The following CTNNA3 variants were observed in gnomAD, a reference collection of about 807,000 sequenced individuals.
CTNNA3 encodes the protein catenin alpha-3.
In CTNNA3, 76 loss-of-function variants were observed where a neutral mutation model predicts 95.7. The observed-to-expected ratio is 0.79, with a 90% confidence interval of 0.66 to 0.96. The LOEUF is 0.96. Ranked by LOEUF, CTNNA3 falls within the 40% of genes least tolerant of loss-of-function variation. CTNNA3 has a pLI of 0.00. For missense variants in CTNNA3, 1,191 were observed against 1,089.8 expected, an observed-to-expected ratio of 1.09 and a Z score of -1.31; for synonymous variants, 431 against 374.4, an observed-to-expected ratio of 1.15 and a Z score of -1.74.
intron 5 of CTNNA3, among the ~76,000 whole-genome samples, chr10:67,460,565 G>A (rs1007342352): frequency 4.6e-5 from 7 of 152,046 alleles, no homozygotes; most frequent in South Asian, 4.1e-4. Flanking sequence ...ATTTCAAAAC[G>A]AAACAGCATA....
intron 9 of CTNNA3, among the ~76,000 whole-genome samples, chr10:66,626,142 A>C (rs1844927623): frequency 1.3e-5 from 2 of 152,134 alleles, no homozygotes; most frequent in African/African-American, 4.8e-5. Context: ...TTTATCTGAA[A>C]TCTCAGGGGC....
intron 15 of CTNNA3, among the ~76,000 whole-genome samples, chr10:66,030,839 A>G (rs996835801): frequency 2.0e-5 from 3 of 152,186 alleles, no homozygotes; most frequent in Non-Finnish European, 4.4e-5. Flanking sequence ...AAGGAACTTG[A>G]ACAATTGAAC....
At chr10:66,700,565 C>T (rs1229705153) in intron 9 of CTNNA3, among the ~76,000 whole-genome samples, 3 of 152,148 alleles carry the variant, frequency 2.0e-5, no homozygotes, top group African/African-American at 7.2e-5. Flanking sequence ...TAGGGAATGT[C>T]ATACCTCCAA....
In CTNNA3 at chr10:66,799,973, A is replaced by G. The variant is rs180866898; in HGVS notation, c.1048-24449T>C. Among the ~76,000 whole-genome samples, 81 of 151,508 alleles carry G rather than the reference A, an allele frequency of 5.3e-4. No individual in the cohort carries two copies. The East Asian group carries it at 0.015, about 29-fold the overall frequency. ...CCAACCAAGAATTCAATGGCCAGAG[A>G]AAATACCTTTCAAAAATAAGAGAAA... On this transcript the variant is annotated intron_variant, in intron 7 of 17. Coordinates refer to ENST00000433211, the MANE Select transcript of CTNNA3 (RefSeq NM_013266.4).
intron 13 of CTNNA3, among the ~76,000 whole-genome samples, chr10:66,243,937 A>G (rs186641039): frequency 6.6e-6 from 1 of 152,206 alleles, no homozygotes; most frequent in Admixed American, 6.5e-5. Flanking sequence ...TAAAGCACCA[A>G]GTGTGCTCTC....
intron 5 of CTNNA3, among the ~76,000 whole-genome samples, chr10:67,456,708 T>C (rs552316352): frequency 1.2e-4 from 19 of 152,140 alleles, no homozygotes; most frequent in Non-Finnish European, 2.6e-4. Context: ...CAACTTATAA[T>C]CAAATTGTGT....
At chr10:66,933,632 T>G (rs902157662) in intron 7 of CTNNA3, among the ~76,000 whole-genome samples, 7 of 152,266 alleles carry the variant, frequency 4.6e-5, no homozygotes, top group African/African-American at 1.7e-4. Context: ...CCCTGGCCAC[T>G]CCAGTGGAAG....
At chr10:67,450,469 T>C (rs1846935611) in intron 5 of CTNNA3, among the ~76,000 whole-genome samples, 1 of 152,190 alleles carries the variant, frequency 6.6e-6, no homozygotes, top group African/African-American at 2.4e-5. Flanking sequence ...AATGAGATCA[T>C]GTCTTTTGAA....
chr10:67,698,848 C>CAAA (rs60228246), upstream of CTNNA3, among the ~76,000 whole-genome samples: 3 of 143,718 alleles, frequency 2.1e-5, no homozygotes, highest in Non-Finnish European at 4.6e-5. Context: ...ACTATTAATA[C>CAAA]AAAAAAAAAA....
chr10:67,048,758 C>A (rs953024703), intron 7 of CTNNA3, among the ~76,000 whole-genome samples: 1 of 151,910 alleles, frequency 6.6e-6, no homozygotes, highest in South Asian at 2.1e-4. Context: ...ACAGAAAATG[C>A]CAAAATGACA....
intron 3 of CTNNA3, among the ~76,000 whole-genome samples, chr10:67,568,931 A>G (rs1326773855): frequency 6.6e-6 from 1 of 152,152 alleles, no homozygotes; most frequent in Non-Finnish European, 1.5e-5. Flanking sequence ...ATGTCCTTAG[A>G]TAAGCATTAA....
At chr10:67,252,284 G>A (rs1309947546) in intron 5 of CTNNA3, among the ~76,000 whole-genome samples, 2 of 150,828 alleles carry the variant, frequency 1.3e-5, no homozygotes, top group African/African-American at 2.4e-5. Context: ...AGAATTAGAA[G>A]CTCATCTACT....
At chr10:67,021,249 C>A (rs1852992004) in intron 7 of CTNNA3, among the ~76,000 whole-genome samples, 1 of 152,030 alleles carries the variant, frequency 6.6e-6, no homozygotes, top group Non-Finnish European at 1.5e-5. Context: ...AATTATTAAG[C>A]AAAGATATAT....
intron 9 of CTNNA3, among the ~76,000 whole-genome samples, chr10:66,693,030 G>A (rs377250197): frequency 7.9e-5 from 12 of 152,094 alleles, no homozygotes; most frequent in South Asian, 4.1e-4. Flanking sequence ...AAACACCATC[G>A]AGGCTAGGAA....
intron 7 of CTNNA3, among the ~76,000 whole-genome samples, chr10:67,130,853 A>G (rs911949314): frequency 6.6e-6 from 1 of 152,104 alleles, no homozygotes; most frequent in Non-Finnish European, 1.5e-5. Flanking sequence ...ACAGTAATAC[A>G]GACATTGGAT....
At chr10:66,331,127 A>G (rs576874156) in intron 12 of CTNNA3, among the ~76,000 whole-genome samples, 52 of 152,110 alleles carry the variant, frequency 3.4e-4, no homozygotes, top group Non-Finnish European at 4.6e-4. Flanking sequence ...TGTCTTAGAC[A>G]TGAAGTCCTT....
At chr10:67,312,060 T>C (rs1168451472) in intron 5 of CTNNA3, among the ~76,000 whole-genome samples, 2 of 147,398 alleles carry the variant, frequency 1.4e-5, no homozygotes, top group African/African-American at 4.9e-5. Context: ...TGAAAAAATA[T>C]ATACATTTAA....
intron 3 of CTNNA3, among the ~76,000 whole-genome samples, chr10:67,591,253 G>T (rs1323002181): frequency 2.0e-5 from 3 of 151,960 alleles, no homozygotes; most frequent in Non-Finnish European, 2.9e-5. Context: ...CATTTTAAAT[G>T]GTACTTTACC....
intron 7 of CTNNA3, among the ~76,000 whole-genome samples, chr10:67,025,105 T>G (rs1168940383): frequency 7.9e-6 from 1 of 126,924 alleles, no homozygotes; most frequent in African/African-American, 3.1e-5. Flanking sequence ...CACTCCAGCC[T>G]GAGCAACAAG....
Sources: gnomAD v4.1 joint callset for allele counts (sites outside exome capture counted in the v4.1 genomes callset) on GRCh38, gnomAD v4.1.1 for gene constraint, MANE v1.5 for transcripts, NCBI Gene and HGNC (gene_info 2026-07-23, HGNC 2026-07-21) for gene names.